Variants in PSMF1 observed in about 807,000 individuals in gnomAD.
PSMF1 encodes proteasome inhibitor subunit 1.
A neutral mutation model predicts 29.3 loss-of-function variants in PSMF1; 30 were observed. That is an observed-to-expected ratio of 1.02 (90% CI 0.77 to 1.39). The LOEUF (loss-of-function observed/expected upper bound fraction) is 1.39. PSMF1 is among the 40% of genes most tolerant of loss of function. The probability of loss-of-function intolerance (pLI) is 0.00; values close to 1 mark genes in which losing one functional copy is unlikely to be tolerated. For missense variants in PSMF1, 344 were observed against 357.5 expected, an observed-to-expected ratio of 0.96 and a Z score of 0.31; for synonymous variants, 134 against 139.7, an observed-to-expected ratio of 0.96 and a Z score of 0.29.
chr20:1,142,090 C>T (rs989393231), intron 4 of PSMF1, among the ~76,000 whole-genome samples: 8 of 152,014 alleles, frequency 5.3e-5, no homozygotes, highest in Non-Finnish European at 7.4e-5. Flanking sequence ...GGTGTGGTGG[C>T]GCACGCCTGT....
chr20:1,162,284 G>C (rs776892241), intron 4 of PSMF1, among the ~76,000 whole-genome samples: 3 of 151,680 alleles, frequency 2.0e-5, no homozygotes, highest in African/African-American at 7.3e-5. Context: ...GGTTTTTTTG[G>C]TATGCAATTC....
intron 3 of PSMF1, among the ~76,000 whole-genome samples, chr20:1,133,016 A>G (rs1331189079): frequency 8.0e-5 from 11 of 137,134 alleles, no homozygotes; most frequent in Non-Finnish European, 1.7e-4. Flanking sequence ...AGGGTAGACT[A>G]TCATGTCATT....
intron 4 of PSMF1, chr20:1,161,233 C>G: frequency 3.2e-6 from 1 of 314,530 alleles, no homozygotes. Flanking sequence ...TGCGTCGCCC[C>G]GGACTTTGAG....
At chr20:1,160,734 G>A (rs979996498) in intron 4 of PSMF1, 1 of 461,478 alleles carries the variant, frequency 2.2e-6, no homozygotes. Context: ...GGGCCAGAAG[G>A]TCTTCTACCT....
At chr20:1,152,427 G>T (rs1472184504) in intron 4 of PSMF1, among the ~76,000 whole-genome samples, 1 of 152,198 alleles carries the variant, frequency 6.6e-6, no homozygotes, top group African/African-American at 2.4e-5. Flanking sequence ...AATGAACTTG[G>T]CTTGGATTGC....
In PSMF1 at chr20:1,118,820, C is replaced by G; in HGVS notation, c.47C>G (p.Thr16Ser). The G allele has an allele frequency of 6.2e-7, 1 of 1,613,764 alleles. No individual in the cohort carries two copies. Among genetic ancestry groups the G allele is most frequent in the Non-Finnish European group, 8.5e-7 (1 of 1,179,706 alleles). The change falls in exon 1 of 7, where the codon ACC (threonine) becomes AGC (serine). Residue 16 changes from threonine to serine, a missense_variant. Thr to Ser is a moderately conservative substitution (Grantham distance 58). Coordinates refer to ENST00000335877, the MANE Select transcript of PSMF1 (RefSeq NM_006814.5). ...TTCGCATCGGCAGCGCCGGCCATCA[C>G]CTGCAGGCAGGACGCGCTCGTCTGC... ...VLFASAAPAI[T>S]CRQDALVCFL...
Position 1,166,134 on chromosome 20 carries a change from C to T in PSMF1, c.*1054C>T. On this transcript the variant is annotated 3_prime_UTR_variant, in exon 7 of 7. Coordinates refer to ENST00000335877, the MANE Select transcript of PSMF1 (RefSeq NM_006814.5). ...CAGAGCACAGGAGCATGGGCTGCCT[C>T]TGAGTGTGGTGTTGAACTTCGGGAG... The T allele has an allele frequency of 1.9e-6, 3 of 1,569,518 alleles. No individual in the cohort carries two copies. The highest frequency in any genetic ancestry group is 2.6e-6 in the Non-Finnish European group (3 of 1,157,334).
intron 4 of PSMF1, among the ~76,000 whole-genome samples, chr20:1,139,819 A>T (rs1239034244): frequency 1.3e-5 from 2 of 152,184 alleles, no homozygotes; most frequent in African/African-American, 2.4e-5. Context: ...TAATGAAATT[A>T]TCCCATTTAT....
At chr20:1,138,563 T>G (rs1326697761) in intron 4 of PSMF1, among the ~76,000 whole-genome samples, 1 of 150,204 alleles carries the variant, frequency 6.7e-6, no homozygotes, top group African/African-American at 2.5e-5. Context: ...AACTACATGT[T>G]CATCTCGATA....
chr20:1,125,727 G>A (rs899576321), intron 2 of PSMF1, 77 bp downstream of exon 2: 21 of 1,521,744 alleles, frequency 1.4e-5, no homozygotes, highest in African/African-American at 8.3e-5. Flanking sequence ...TTAACGGTAC[G>A]AATCCAGAGC....
intron 4 of PSMF1, among the ~76,000 whole-genome samples, chr20:1,138,898 A>G (rs997165857): frequency 1.2e-4 from 18 of 152,156 alleles, no homozygotes; most frequent in African/African-American, 4.1e-4. Flanking sequence ...AGGAGGGGCC[A>G]GGCATGGTGG....
chr20:1,168,832 CAT>C lies in PSMF1; in HGVS notation c.*3753_*3754del, dbSNP rs781295634. Among the ~76,000 whole-genome samples the C allele has an allele frequency of 2.0e-5, 3 of 152,208 alleles. No individual in the cohort carries two copies. Among genetic ancestry groups the C allele is most frequent in the Non-Finnish European group, 4.4e-5 (3 of 68,034 alleles). ...TCACCTAAATTTGTCTACTTCTGTACATTTCCAATAAGGCACCACCAGGGCAA... is the reference window on the plus strand; with the variant it reads ...TCACCTAAATTTGTCTACTTCTGTACTTCCAATAAGGCACCACCAGGGCAA... On this transcript the variant is annotated 3_prime_UTR_variant, in exon 7 of 7. Coordinates refer to ENST00000335877, the MANE Select transcript of PSMF1 (RefSeq NM_006814.5).
At chr20:1,126,610 C>T (rs1049299625) in intron 2 of PSMF1, among the ~76,000 whole-genome samples, 4 of 152,106 alleles carry the variant, frequency 2.6e-5, no homozygotes, top group Admixed American at 6.5e-5. Flanking sequence ...CGCAGTGGCT[C>T]GCACCTGTAA....
At chr20:1,143,665 C>T (rs766202159) in intron 4 of PSMF1, among the ~76,000 whole-genome samples, 3 of 152,020 alleles carry the variant, frequency 2.0e-5, no homozygotes, top group Non-Finnish European at 4.4e-5. Flanking sequence ...TGTGAAAGAC[C>T]CTGTTAAGAG....
rs771300426 is a variant in PSMF1 at position 1,125,545 on chromosome 20, C to T, written c.177C>T (p.Asn59=). 1 of 1,613,618 alleles carries T rather than the reference C, an allele frequency of 6.2e-7. No individual in the cohort carries two copies. Among genetic ancestry groups the T allele is most frequent in the Admixed American group, 1.7e-5 (1 of 59,888 alleles). Residue 59 remains asparagine (N), a synonymous_variant, in exon 2 of 7, where the codon AAC becomes AAT. Coordinates refer to ENST00000335877, the MANE Select transcript of PSMF1 (RefSeq NM_006814.5). ...CAGAACTGCTGCCAGCTGGGTGGAA[C>T]AACAATAAAGACCTGTATGTCCTCC... The part of the protein sequence containing the change: ...KKSELLPAGW[N]NNKDLYVLRY...
chr20:1,163,240 C>G lies in PSMF1; in HGVS notation c.605+57C>G. The G allele has an allele frequency of 1.3e-6, 2 of 1,562,784 alleles. No individual in the cohort carries two copies. Among genetic ancestry groups the G allele is most frequent in the Non-Finnish European group, 1.8e-6 (2 of 1,135,354 alleles). On this transcript the variant is annotated intron_variant, in intron 5 of 6. Transcript: ENST00000335877. This position sits in a 1 kb window ranked among gnomAD's most constrained non-coding sequence, Gnocchi z 6.1. Reference sequence around the variant, plus strand: ...AACTTGCTTTTGTGGCTTTTCAGCCCCAGCTCATCTTCTAATTTTAGAGTT... The same window carrying G: ...AACTTGCTTTTGTGGCTTTTCAGCCGCAGCTCATCTTCTAATTTTAGAGTT...
At chr20:1,144,362 T>G (rs984122654) in intron 4 of PSMF1, among the ~76,000 whole-genome samples, 1 of 152,202 alleles carries the variant, frequency 6.6e-6, no homozygotes, top group Non-Finnish European at 1.5e-5. Context: ...GGAAAATCAT[T>G]TGGCAGTTTC....
At position 1,139,933 on chromosome 20, in the gene PSMF1, A is replaced by G. The variant is rs1337174711; in HGVS notation, c.551+4627A>G. On this transcript the variant is annotated intron_variant, in intron 4 of 6. Coordinates refer to ENST00000335877, the MANE Select transcript of PSMF1 (RefSeq NM_006814.5). ...GTAAGATTTGTACAGTGAAAACTGT[A>G]AAACATTGTTGAAAGAAATTAAAGA... 4.6e-5 allele frequency among the ~76,000 whole-genome samples: 7 copies of G among 152,232 alleles called. No individual in the cohort carries two copies. The East Asian group carries it at 1.3e-3, about 29-fold the overall frequency.
intron 4 of PSMF1, among the ~76,000 whole-genome samples, chr20:1,150,343 G>A (rs118099569): frequency 0.011 from 1,601 of 152,208 alleles, 14 homozygotes; most frequent in African/African-American, 0.022. Flanking sequence ...GTAAGGGAGG[G>A]TGCAATAACG....
Sources: allele counts gnomAD v4.1 joint callset (sites outside exome capture counted in the v4.1 genomes callset), GRCh38; gene constraint gnomAD v4.1.1; non-coding constraint Gnocchi (gnomAD v3.1); transcripts MANE v1.5; gene names NCBI Gene and HGNC (gene_info 2026-07-23, HGNC 2026-07-21).